DIP2B: variants seen among roughly 807,000 people sequenced by gnomAD.
The protein encoded by DIP2B is disco-interacting protein 2 homolog B.
A neutral mutation model predicts 198.0 loss-of-function variants in DIP2B; 76 were observed. The ratio of observed to expected loss-of-function variants is 0.38; its 90% CI spans 0.32 to 0.46. DIP2B has a LOEUF of 0.46. DIP2B is among the 20% of genes least tolerant of loss of function. The pLI, the probability that DIP2B is intolerant of heterozygous loss-of-function variation, is 0.99. For missense variants in DIP2B, 1,559 were observed against 1,978.4 expected, an observed-to-expected ratio of 0.79 and a Z score of 4.02; for synonymous variants, 701 against 739.1, an observed-to-expected ratio of 0.95 and a Z score of 0.84.
At chr12:50,562,532 C>T (rs996865884) in intron 1 of DIP2B, among the ~76,000 whole-genome samples, 3 of 151,778 alleles carry the variant, frequency 2.0e-5, no homozygotes, top group African/African-American at 2.4e-5. Flanking sequence ...CCCAGGAGTT[C>T]GAGACCAGCC....
At chr12:50,537,440 G>A (rs118171382) in intron 1 of DIP2B, among the ~76,000 whole-genome samples, 5,054 of 152,138 alleles carry the variant, frequency 0.033, 112 homozygotes, top group Non-Finnish European at 0.055. Context: ...GTGACCAGGC[G>A]AGTGATAGTG....
intron 31 of DIP2B, 66 bp downstream of exon 31, chr12:50,731,603 AGGGCCAGAGCAG>A (rs1565885180): frequency 6.5e-7 from 1 of 1,539,166 alleles, no homozygotes; most frequent in Admixed American, 1.9e-5. Context: ...AGGACGTAAC[AGGGCCAGAGCAG>A]GGGCTAACAG....
At chr12:50,525,987 A>T (rs188465179) in intron 1 of DIP2B, among the ~76,000 whole-genome samples, 1 of 152,122 alleles carries the variant, frequency 6.6e-6, no homozygotes, top group Non-Finnish European at 1.5e-5. Flanking sequence ...AAAATTTTCT[A>T]ATTAATACCA....
At position 50,697,117 on chromosome 12, in the gene DIP2B, C is replaced by T. The variant is rs746557230; in HGVS notation, c.1990C>T (p.Pro664Ser). The T allele has an allele frequency of 1.2e-6, 2 of 1,614,092 alleles. No individual in the cohort carries two copies. Among genetic ancestry groups the T allele is most frequent in the East Asian group, 2.2e-5 (1 of 44,882 alleles). ...LSLFQSHGLK[P>S]EAICPCATSA... The stretch of plus-strand genomic sequence containing the variant: ...TCTGTTCCAAAGTCATGGACTGAAG[C>T]CTGAGGCCATCTGTCCGTGCGCCAC... Residue 664 changes from proline to serine, a missense_variant, in exon 17 of 38, where the codon CCT becomes TCT. Physicochemically the swap from Pro to Ser is moderately conservative, Grantham distance 74 (BLOSUM62 -1). Coordinates refer to ENST00000301180, the MANE Select transcript of DIP2B (RefSeq NM_173602.3).
At chr12:50,716,958 C>CTTTTTCTTTTT in intron 23 of DIP2B, among the ~76,000 whole-genome samples, 1 of 58,924 alleles carries the variant, frequency 1.7e-5, no homozygotes, top group South Asian at 1.0e-3. Context: ...CGAATTGTTG[C>CTTTTTCTTTTT]TTTTTTTTTT....
chr12:50,632,478 C>CA (rs756895459), intron 2 of DIP2B, among the ~76,000 whole-genome samples: 1,661 of 74,542 alleles, frequency 0.022, 45 homozygotes, highest in African/African-American at 0.055. Flanking sequence ...GACTCTGTCT[C>CA]AAAAAAAAAA....
At chr12:50,696,920 TA>T in intron 16 of DIP2B, 140 bp from the exon 17 acceptor site, 1 of 626,954 alleles carries the variant, frequency 1.6e-6, no homozygotes. Flanking sequence ...ACAGGGACAG[TA>T]AAATATTTGC....
chr12:50,682,924 A>G (rs1276571724), intron 9 of DIP2B, among the ~76,000 whole-genome samples: 1 of 152,212 alleles, frequency 6.6e-6, no homozygotes, highest in African/African-American at 2.4e-5. Context: ...AATGCGTTAT[A>G]GTTCCCAAAA....
intron 3 of DIP2B, among the ~76,000 whole-genome samples, chr12:50,658,130 C>T (rs1163168653): frequency 1.3e-5 from 2 of 150,834 alleles, no homozygotes; most frequent in African/African-American, 4.9e-5. Flanking sequence ...ACAAGAATTT[C>T]TGGGGTTTGT....
At chr12:50,626,868 G>A (rs1237677310) in intron 2 of DIP2B, among the ~76,000 whole-genome samples, 1 of 150,524 alleles carries the variant, frequency 6.6e-6, no homozygotes, top group Non-Finnish European at 1.5e-5. Flanking sequence ...TTTATGGCCT[G>A]TAAATATTTG....
intron 27 of DIP2B, 65 bp downstream of exon 27, chr12:50,723,388 T>A: frequency 6.3e-7 from 1 of 1,584,362 alleles, no homozygotes; most frequent in Non-Finnish European, 8.6e-7. Flanking sequence ...CAACTAAGGA[T>A]CCTTACTAAT....
In DIP2B at chr12:50,727,721, G is replaced by C. The variant is rs928129752; in HGVS notation, c.3419G>C (p.Arg1140Thr). ...ATGGCAGATGATTTACCCAGGAAAA[G>C]GTTACCTCAGCTGTATAAACCGCCC... The part of the protein sequence containing the change: ...IIDTDDLPRK[R>T]LPQLYKPPTP... Residue 1140 changes from arginine to threonine, a missense_variant, in exon 29 of 38, where the codon AGG becomes ACG. Transcript: ENST00000301180. 2 of 1,614,022 alleles carry C rather than the reference G, an allele frequency of 1.2e-6. No individual in the cohort carries two copies. Among genetic ancestry groups the C allele is most frequent in the African/African-American group, 2.7e-5 (2 of 74,916 alleles).
At position 50,598,988 on chromosome 12, in the gene DIP2B, T is replaced by TAAA. The variant is rs113915324; in HGVS notation, c.101-26976_101-26974dup. Among the ~76,000 whole-genome samples the TAAA allele has an allele frequency of 4.1e-3, 440 of 106,330 alleles. 8 individuals carry two copies. The highest frequency in any genetic ancestry group is 0.015 in the African/African-American group (400 of 26,540). The allele number at this position is 106,330 out of a possible 152,430, so 69.8% of individuals were successfully genotyped here. On this transcript the variant is annotated intron_variant, in intron 1 of 37. Coordinates refer to ENST00000301180, the MANE Select transcript of DIP2B (RefSeq NM_173602.3). ...GTATTGGGTCAACACATATAAACAT[T>TAAA]AAAAAAAAAAAAAACTCTTGGCTGG...
chr12:50,617,883 C>T (rs897620744), intron 1 of DIP2B, among the ~76,000 whole-genome samples: 15 of 152,156 alleles, frequency 9.9e-5, no homozygotes, highest in Admixed American at 7.9e-4. Context: ...ATTGTTAATA[C>T]ATTTTCGAAA....
intron 18 of DIP2B, 51 bp from the exon 19 acceptor site, chr12:50,699,015 C>T (rs1246195314): frequency 6.3e-7 from 1 of 1,595,492 alleles, no homozygotes; most frequent in Non-Finnish European, 8.5e-7. Flanking sequence ...TGTTATTTTA[C>T]AAAAGTTTTC....
At chr12:50,731,599 T>TA (rs1443780339) in intron 31 of DIP2B, 62 bp downstream of exon 31, 3 of 1,545,344 alleles carry the variant, frequency 1.9e-6, no homozygotes, top group Non-Finnish European at 2.6e-6. Flanking sequence ...CGCCAGGACG[T>TA]AACAGGGCCA....
intron 31 of DIP2B, 116 bp from the exon 32 acceptor site, chr12:50,732,250 G>T: frequency 8.9e-7 from 1 of 1,125,510 alleles, no homozygotes; most frequent in South Asian, 1.6e-5. Context: ...GTGTGCCTGA[G>T]GTGAGAATAC....
intron 1 of DIP2B, among the ~76,000 whole-genome samples, chr12:50,594,224 A>AT (rs1555186221): frequency 2.0e-5 from 3 of 151,910 alleles, no homozygotes; most frequent in Non-Finnish European, 4.4e-5. Flanking sequence ...CATTACAAAC[A>AT]TGAGCCACTG....
At chr12:50,574,489 T>G (rs1958641079) in intron 1 of DIP2B, among the ~76,000 whole-genome samples, 1 of 152,124 alleles carries the variant, frequency 6.6e-6, no homozygotes, top group Non-Finnish European at 1.5e-5. Flanking sequence ...ATTGGAGAGG[T>G]CATATGCAGT....
Sources: gnomAD v4.1 joint callset for allele counts (sites outside exome capture counted in the v4.1 genomes callset) on GRCh38, gnomAD v4.1.1 for gene constraint, MANE v1.5 for transcripts, NCBI Gene and HGNC (gene_info 2026-07-23, HGNC 2026-07-21) for gene names.